The following ANKH variants were observed in gnomAD, a reference collection of about 807,000 sequenced individuals.
ANKH encodes the protein ANKH inorganic pyrophosphate transport regulator, also known as mineralization regulator ANKH.
In ANKH, 15 loss-of-function variants were observed where a neutral mutation model predicts 49.0. The observed-to-expected ratio is 0.31, with a 90% confidence interval of 0.20 to 0.47. ANKH has a LOEUF of 0.47. ANKH is among the 20% of genes least tolerant of loss of function. The pLI, the probability that ANKH is intolerant of heterozygous loss-of-function variation, is 1.00. For missense variants in ANKH, 429 were observed against 652.0 expected (o/e 0.66, Z 3.72); for synonymous variants, 273 against 260.0 (o/e 1.05, Z -0.48).
intron 1 of ANKH, among the ~76,000 whole-genome samples, chr5:14,821,286 T>C (rs1021145248): frequency 6.6e-6 from 1 of 152,142 alleles, no homozygotes. Context: ...TCAACACTAA[T>C]AAACCCAAAG....
intron 1 of ANKH, among the ~76,000 whole-genome samples, chr5:14,800,761 C>T (rs1466077064): frequency 7.6e-5 from 11 of 144,872 alleles, no homozygotes; most frequent in Admixed American, 4.2e-4. Context: ...GGGTCTTGCT[C>T]CTTTGCCCAG....
rs187123792 is a variant in ANKH at position 14,788,411 on chromosome 5, T to C, written c.97-19220A>G. ...TGTGATGTATCTGCCTGGCACCATC[T>C]CTTGGTTGAGGAATGTGCATGACGT... On this transcript the variant is annotated intron_variant, in intron 1 of 11. Transcript: ENST00000284268. Among the ~76,000 whole-genome samples the C allele has an allele frequency of 1.2e-3, 190 of 152,316 alleles. 1 individual carries two copies. Among genetic ancestry groups the C allele is most frequent in the Non-Finnish European group, 2.1e-3 (142 of 68,028 alleles).
intron 1 of ANKH, among the ~76,000 whole-genome samples, chr5:14,773,446 G>A (rs1276803083): frequency 1.5e-5 from 2 of 135,666 alleles, no homozygotes; most frequent in East Asian, 2.4e-4. Context: ...AACAGTTCCC[G>A]GACTTGAGTC....
chr5:14,727,117 A>C (rs1737846821), intron 8 of ANKH, among the ~76,000 whole-genome samples: 1 of 152,228 alleles, frequency 6.6e-6, no homozygotes, highest in Non-Finnish European at 1.5e-5. Context: ...AGGGGTAGCA[A>C]ACAATAGATG....
intron 1 of ANKH, among the ~76,000 whole-genome samples, chr5:14,867,220 G>A (rs928831998): frequency 6.6e-6 from 1 of 151,746 alleles, no homozygotes; most frequent in Non-Finnish European, 1.5e-5. Context: ...ACCTAGTCTG[G>A]GAATCAGAAA....
intron 1 of ANKH, among the ~76,000 whole-genome samples, chr5:14,809,322 A>G (rs561420632): frequency 8.2e-6 from 1 of 121,448 alleles, no homozygotes; most frequent in East Asian, 2.6e-4. Context: ...GTACCCTAAA[A>G]CTTAGAGTAT....
At position 14,860,813 on chromosome 5, in the gene ANKH, T is replaced by C. The variant is rs1379928392; in HGVS notation, c.96+10539A>G. On this transcript the variant is annotated intron_variant, in intron 1 of 11. Transcript: ENST00000284268. Reference sequence around the variant, plus strand: ...TCTTGCTGTGACGCCCAGGCTGGAGTGCTGCGATGCCCAGGCTGGAGTGCA... The same window carrying C: ...TCTTGCTGTGACGCCCAGGCTGGAGCGCTGCGATGCCCAGGCTGGAGTGCA... Among the ~76,000 whole-genome samples the C allele has an allele frequency of 3.9e-5, 6 of 152,098 alleles. No homozygotes were observed. The East Asian group carries it at 1.2e-3, about 29-fold the overall frequency.
At chr5:14,718,666 C>T (rs978876301) in intron 8 of ANKH, among the ~76,000 whole-genome samples, 3 of 151,954 alleles carry the variant, frequency 2.0e-5, no homozygotes, top group African/African-American at 4.8e-5. Flanking sequence ...CAAAATTAAC[C>T]GGGCATGGTG....
rs1736988253 is a variant in ANKH at position 14,707,560 on chromosome 5, C to T, written c.*3637G>A. The stretch of plus-strand genomic sequence containing the variant: ...TGGGAGTGAGCACTCCTGAGCTGGC[C>T]CCGCTGCGACGCATCCTGGCGTCTG... On this transcript the variant is annotated 3_prime_UTR_variant, in exon 12 of 12. Transcript: ENST00000284268. 1 of 152,162 alleles carries T rather than the reference C, an allele frequency of 6.6e-6. No individual in the cohort carries two copies. The highest frequency in any genetic ancestry group is 2.1e-4 in the South Asian group (1 of 4,826). The allele number at this position is 152,162 out of a possible 1,614,324, so 9.4% of individuals were successfully genotyped here. A position where few individuals can be genotyped will look rare whatever the true frequency, so the allele number is the denominator to read the frequency against.
intron 8 of ANKH, among the ~76,000 whole-genome samples, chr5:14,738,616 C>T (rs1190639238): frequency 2.0e-5 from 3 of 152,044 alleles, no homozygotes; most frequent in Admixed American, 6.6e-5. Context: ...CCTGATATTA[C>T]GAAGTTTCAA....
chr5:14,760,372 G>A (rs746441368), intron 2 of ANKH, among the ~76,000 whole-genome samples: 3 of 152,212 alleles, frequency 2.0e-5, no homozygotes, highest in Non-Finnish European at 2.9e-5. Context: ...GGAAGGCAGG[G>A]AGGGAGAGCT....
At chr5:14,836,800 C>T (rs1457918938) in intron 1 of ANKH, among the ~76,000 whole-genome samples, 1 of 152,134 alleles carries the variant, frequency 6.6e-6, no homozygotes, top group Non-Finnish European at 1.5e-5. Flanking sequence ...AAAAAGAGCC[C>T]ACATTGCCAA....
Position 14,774,989 on chromosome 5 carries a change from G to A in ANKH, c.97-5798C>T, listed in dbSNP as rs140398167. Among the ~76,000 whole-genome samples the A allele has an allele frequency of 3.8e-4, 58 of 151,912 alleles. 1 individual carries two copies. In the East Asian group the frequency reaches 9.5e-3, roughly 25 times the overall value. On this transcript the variant is annotated intron_variant, in intron 1 of 11. Coordinates refer to ENST00000284268, the MANE Select transcript of ANKH (RefSeq NM_054027.6). The stretch of plus-strand genomic sequence containing the variant: ...GATTCAAGACCCCCAGTGGATGCCT[G>A]AAACCTCGGATAGTACCCAACTCTA...
At chr5:14,711,662 C>T (rs562579894) in intron 11 of ANKH, among the ~76,000 whole-genome samples, 1 of 152,238 alleles carries the variant, frequency 6.6e-6, no homozygotes, top group Non-Finnish European at 1.5e-5. Flanking sequence ...TTCCTCCTCC[C>T]TAAAGCCTCA....
rs546766676 is a variant in ANKH at position 14,761,754 on chromosome 5, C to T, written c.314-3156G>A. On this transcript the variant is annotated intron_variant, in intron 2 of 11. Coordinates refer to ENST00000284268, the MANE Select transcript of ANKH (RefSeq NM_054027.6). Reference sequence around the variant, plus strand: ...ACTTCGTGTCAGACCATTCCTTGTCCCCTTTTGCCTTTTTTTTTTTTTCCT... The same window carrying T: ...ACTTCGTGTCAGACCATTCCTTGTCTCCTTTTGCCTTTTTTTTTTTTTCCT... 9.3e-3 allele frequency among the ~76,000 whole-genome samples: 1,184 copies of T among 127,474 alleles called. 19 individuals are homozygous for T. Among genetic ancestry groups the T allele is most frequent in the African/African-American group, 0.034 (1,132 of 32,832 alleles). 83.6% of individuals were successfully genotyped at this position (127,474 alleles called of 152,430 possible). A position where few individuals can be genotyped will look rare whatever the true frequency, so the allele number is the denominator to read the frequency against.
chr5:14,836,476 A>G (rs2126604598), intron 1 of ANKH, among the ~76,000 whole-genome samples: 1 of 152,270 alleles, frequency 6.6e-6, no homozygotes, highest in East Asian at 1.9e-4. Context: ...CACCAATAAC[A>G]GACAAACAGA....
At chr5:14,817,064 AT>A (rs1741060347) in intron 1 of ANKH, among the ~76,000 whole-genome samples, 1 of 152,206 alleles carries the variant, frequency 6.6e-6, no homozygotes, top group Non-Finnish European at 1.5e-5. Context: ...AAGTGCTTCA[AT>A]TCTTTTAGAC....
At chr5:14,850,737 G>A (rs2126621032) in intron 1 of ANKH, among the ~76,000 whole-genome samples, 1 of 152,368 alleles carries the variant, frequency 6.6e-6, no homozygotes, top group Middle Eastern at 3.4e-3. Context: ...AATCTAATCT[G>A]AAACTAATGA....
chr5:14,830,945 C>A (rs1741487807), intron 1 of ANKH, among the ~76,000 whole-genome samples: 1 of 152,224 alleles, frequency 6.6e-6, no homozygotes. Context: ...CAGTTGGTCA[C>A]TCTACAAGGT....
Sources: allele counts gnomAD v4.1 joint callset (sites outside exome capture counted in the v4.1 genomes callset), GRCh38; gene constraint gnomAD v4.1.1; transcripts MANE v1.5; gene names NCBI Gene and HGNC (gene_info 2026-07-23, HGNC 2026-07-21).